The following TFRC variants were observed in gnomAD, a reference collection of about 807,000 sequenced individuals.
TFRC encodes the protein transferrin receptor protein 1.
Under a neutral mutation model 85.8 loss-of-function variants are expected in TFRC, and 35 were observed. The ratio of observed to expected loss-of-function variants is 0.41; its 90% CI spans 0.31 to 0.54. The LOEUF is 0.54. Ranked by LOEUF, TFRC falls within the 20% of genes least tolerant of loss-of-function variation. The probability of loss-of-function intolerance (pLI) is 0.31; values close to 1 mark genes in which losing one functional copy is unlikely to be tolerated. For missense variants in TFRC, 828 were observed against 921.5 expected, an observed-to-expected ratio of 0.90 and a Z score of 1.31; for synonymous variants, 362 against 328.6, an observed-to-expected ratio of 1.10 and a Z score of -1.10.
At chr3:196,069,201 A>T (rs1717990075) in intron 7 of TFRC, among the ~76,000 whole-genome samples, 1 of 152,202 alleles carries the variant, frequency 6.6e-6, no homozygotes, top group South Asian at 2.1e-4. Context: ...CCTTTTTATA[A>T]AACATGCTTT....
chr3:196,064,580 A>T, intron 10 of TFRC, 152 bp from the exon 11 acceptor site: 1 of 659,788 alleles, frequency 1.5e-6, no homozygotes, highest in Non-Finnish European at 2.2e-6. Flanking sequence ...TCTGGGAATT[A>T]AAAATTCACA....
intron 9 of TFRC, 120 bp downstream of exon 9, chr3:196,067,398 T>A (rs1717821790): frequency 2.8e-6 from 3 of 1,079,770 alleles, no homozygotes; most frequent in African/African-American, 1.6e-5. Context: ...CAGCTAACCA[T>A]CCTCCAAATT....
chr3:196,058,377 A>C lies in TFRC; in HGVS notation c.1596-12T>G. ...AAGTGAGTTTCTCACTGCAAAGACA[A>C]AGAATGTGTCTTTAGAAAGTGTTTT... On this transcript the variant is annotated splice_polypyrimidine_tract_variant and intron_variant, in intron 15 of 18. Coordinates refer to ENST00000360110, the MANE Select transcript of TFRC (RefSeq NM_001128148.3). 6.2e-7 allele frequency: 1 copy of C among 1,608,122 alleles called. No homozygotes were observed. Among genetic ancestry groups the C allele is most frequent in the African/African-American group, 1.3e-5 (1 of 74,942 alleles).
chr3:196,075,069 A>AAT, intron 3 of TFRC, 90 bp downstream of exon 3: 15 of 967,168 alleles, frequency 1.6e-5, no homozygotes, highest in Admixed American at 2.5e-5. Context: ...AAAAAAAATA[A>AAT]GGTACAAAAT....
intron 3 of TFRC, 53 bp from the exon 4 acceptor site, chr3:196,074,178 CCTGTTAAT>C (rs1718462925): frequency 2.0e-6 from 3 of 1,486,586 alleles, no homozygotes; most frequent in East Asian, 2.3e-5. Context: ...GTAATCTATC[CCTGTTAAT>C]CTGTTAATAT....
rs941164998 is a variant in TFRC at position 196,050,079 on chromosome 3, C to G, written c.*1863G>C. ...TTCAGGGGACTCTCCTTCCCCACAG[C>G]CCCCAAACCTTCTATACAAAGTCCC... On this transcript the variant is annotated 3_prime_UTR_variant, in exon 19 of 19. Transcript: ENST00000360110. The G allele has an allele frequency of 1.3e-5, 3 of 231,256 alleles. No homozygotes were observed. Among genetic ancestry groups the G allele is most frequent in the Non-Finnish European group, 2.6e-5 (3 of 116,890 alleles). The allele number at this position is 231,256 out of a possible 1,614,324, so 14.3% of individuals were successfully genotyped here. A position where few individuals can be genotyped will look rare whatever the true frequency, so the allele number is the denominator to read the frequency against.
In TFRC at chr3:196,055,174, G is replaced by T; in HGVS notation, c.1805C>A (p.Thr602Asn). Residue 602 changes from threonine (T) to asparagine (N), a missense_variant, in exon 17 of 19, where the codon ACC becomes AAC. By Grantham distance (65) the Thr-to-Asn change is moderately conservative. Coordinates refer to ENST00000360110, the MANE Select transcript of TFRC (RefSeq NM_001128148.3). ...EVAGQFVIKL[T>N]HDVELNLDYE... The stretch of plus-strand genomic sequence containing the variant: ...GTCCAGGTTCAATTCAACATCATGG[G>T]TTAGTTTAATCACGAACTGACCAGC... 3 of 1,614,218 alleles carry T rather than the reference G, an allele frequency of 1.9e-6. No homozygotes were observed. The highest frequency in any genetic ancestry group is 2.5e-6 in the Non-Finnish European group (3 of 1,180,026).
At position 196,069,583 on chromosome 3, in the gene TFRC, T is replaced by A; in HGVS notation, c.688-15A>T. 1 of 1,440,026 alleles carries A rather than the reference T, an allele frequency of 6.9e-7. No homozygotes were observed. Among genetic ancestry groups the A allele is most frequent in the Non-Finnish European group, 9.8e-7 (1 of 1,023,868 alleles). The allele number at this position is 1,440,026 out of a possible 1,614,324, so 89.2% of individuals were successfully genotyped here. On this transcript the variant is annotated splice_polypyrimidine_tract_variant and intron_variant, in intron 6 of 18. Coordinates refer to ENST00000360110, the MANE Select transcript of TFRC (RefSeq NM_001128148.3). Reference sequence around the variant, plus strand: ...ACCAGTTTACCCTAGAACAAAGACATTAGATTTAATGAGCATTATGGTATC... The same window carrying A: ...ACCAGTTTACCCTAGAACAAAGACAATAGATTTAATGAGCATTATGGTATC...
intron 1 of TFRC, among the ~76,000 whole-genome samples, chr3:196,081,375 A>G (rs1719160539): frequency 6.6e-6 from 1 of 152,240 alleles, no homozygotes; most frequent in African/African-American, 2.4e-5. Flanking sequence ...GGGTAAGTTT[A>G]CAGAAACCCG....
chr3:196,071,839 G>T (rs1272571526), intron 5 of TFRC, among the ~76,000 whole-genome samples, 164 bp downstream of exon 5: 1 of 152,220 alleles, frequency 6.6e-6, no homozygotes, highest in Non-Finnish European at 1.5e-5. Flanking sequence ...AGAAGGCAAA[G>T]GCTGCAGTGA....
intron 18 of TFRC, among the ~76,000 whole-genome samples, chr3:196,052,387 C>T (rs1716405154): frequency 6.6e-6 from 1 of 151,214 alleles, no homozygotes; most frequent in South Asian, 2.1e-4. Flanking sequence ...GTACCCTCCA[C>T]CTCCCGAGTT....
At chr3:196,081,678 G>T (rs1207117746) in intron 1 of TFRC, among the ~76,000 whole-genome samples, 1 of 152,240 alleles carries the variant, frequency 6.6e-6, no homozygotes, top group East Asian at 1.9e-4. Context: ...AGTCCCCGGG[G>T]CTGAGAGCGA....
At chr3:196,056,525 G>A (rs560125957) in intron 16 of TFRC, among the ~76,000 whole-genome samples, 1 of 152,056 alleles carries the variant, frequency 6.6e-6, no homozygotes. Flanking sequence ...TCAGCCTCCT[G>A]AGCAGCTGGG....
Position 196,055,227 on chromosome 3 carries a change from G to A in TFRC, c.1752C>T (p.Asn584=). The change falls in exon 17 of 19, where the codon AAC becomes AAT. Residue 584 remains asparagine (N), a synonymous_variant. Transcript: ENST00000360110. ...CCTCTGCAGCTGCTCGTGCCACTTT[G>A]TTCAACTCAGGAATCCTCTCAATCA... ...KELIERIPEL[N]KVARAAAEVA... 1 of 1,614,188 alleles carries A rather than the reference G, an allele frequency of 6.2e-7. No individual in the cohort carries two copies. The highest frequency in any genetic ancestry group is 1.1e-5 in the South Asian group (1 of 91,078).
chr3:196,074,158 A>C (rs1190356532), intron 3 of TFRC, 33 bp from the exon 4 acceptor site: 1 of 1,567,498 alleles, frequency 6.4e-7, no homozygotes, highest in South Asian at 1.1e-5. Flanking sequence ...CTGAACTCAG[A>C]ATTTCATTTG....
At position 196,053,649 on chromosome 3, in the gene TFRC, C is replaced by T. The variant is rs1716533187; in HGVS notation, c.1900-91G>A. On this transcript the variant is annotated intron_variant, in intron 17 of 18. Transcript: ENST00000360110. ...AATTTAACGTGCGTTAAGTAAGATT[C>T]TGATAAAAGGAACTCGCAGATAAGC... 14 of 1,521,176 alleles carry T rather than the reference C, an allele frequency of 9.2e-6. No homozygotes were observed. In the South Asian group the frequency reaches 1.3e-4, roughly 14 times the overall value. The allele number at this position is 1,521,176 out of a possible 1,614,324, so 94.2% of individuals were successfully genotyped here. A position where few individuals can be genotyped will look rare whatever the true frequency, so the allele number is the denominator to read the frequency against.
chr3:196,065,312 C>A (rs1372420757), intron 10 of TFRC, 131 bp downstream of exon 10: 2 of 497,946 alleles, frequency 4.0e-6, no homozygotes, highest in East Asian at 3.9e-5. Context: ...TTAGGACAGA[C>A]AAGATTGAGC....
intron 4 of TFRC, among the ~76,000 whole-genome samples, chr3:196,072,622 A>G (rs528413384): frequency 6.6e-6 from 1 of 152,202 alleles, no homozygotes; most frequent in Admixed American, 6.5e-5. Context: ...GGTGGACTAT[A>G]CTCTCACTTT....
intron 1 of TFRC, among the ~76,000 whole-genome samples, chr3:196,079,685 C>G (rs146843202): frequency 6.6e-6 from 1 of 152,252 alleles, no homozygotes; most frequent in East Asian, 1.9e-4. Flanking sequence ...TGACTGAAAA[C>G]AACAATTCAA....
Sources: gnomAD v4.1 joint callset for allele counts (sites outside exome capture counted in the v4.1 genomes callset) on GRCh38, gnomAD v4.1.1 for gene constraint, MANE v1.5 for transcripts, NCBI Gene and HGNC (gene_info 2026-07-23, HGNC 2026-07-21) for gene names.